CLOCK: variants seen among roughly 807,000 people sequenced by gnomAD.
The protein encoded by CLOCK is circadian locomoter output cycles protein kaput.
A neutral mutation model predicts 118.4 loss-of-function variants in CLOCK; 43 were observed. The ratio of observed to expected loss-of-function variants is 0.36; its 90% CI spans 0.28 to 0.47. The LOEUF is 0.47. CLOCK is among the 20% of genes least tolerant of loss of function. The pLI is 1.00. For synonymous variants in CLOCK, 326 were observed against 339.2 expected (o/e 0.96, Z 0.43); for missense variants, 846 against 999.9 (o/e 0.85, Z 2.08).
intron 9 of CLOCK, among the ~76,000 whole-genome samples, chr4:55,461,840 A>C (rs1725365061): frequency 1.3e-5 from 2 of 152,094 alleles, no homozygotes; most frequent in African/African-American, 2.4e-5. Flanking sequence ...AAACTACCCA[A>C]ATCTCCTTCA....
intron 1 of CLOCK, among the ~76,000 whole-genome samples, chr4:55,510,699 T>C (rs1729091386): frequency 6.6e-6 from 1 of 150,542 alleles, no homozygotes; most frequent in African/African-American, 2.4e-5. Flanking sequence ...GTGTATGATC[T>C]AGCCAAATAA....
At chr4:55,519,249 G>A (rs1329583775) in intron 1 of CLOCK, among the ~76,000 whole-genome samples, 1 of 152,104 alleles carries the variant, frequency 6.6e-6, no homozygotes, top group Non-Finnish European at 1.5e-5. Context: ...TAAAGACAAG[G>A]TCTCACTATG....
At chr4:55,498,937 T>C (rs1274411732) in intron 2 of CLOCK, among the ~76,000 whole-genome samples, 22 of 152,232 alleles carry the variant, frequency 1.4e-4, no homozygotes, top group Admixed American at 1.4e-3. Flanking sequence ...GATTCATCTT[T>C]AAGCTCACTG....
At chr4:55,453,172 C>A (rs201598051) in intron 14 of CLOCK, 43 bp from the exon 15 acceptor site, 2 of 1,461,634 alleles carry the variant, frequency 1.4e-6, no homozygotes, top group East Asian at 4.6e-5. Context: ...TCTGGTCATT[C>A]GTTTAAAATA....
chr4:55,494,993 T>C (rs962934591), intron 2 of CLOCK, among the ~76,000 whole-genome samples: 5 of 152,186 alleles, frequency 3.3e-5, no homozygotes, highest in East Asian at 3.9e-4. Flanking sequence ...CAGAAAACTA[T>C]ACAGAATCCG....
chr4:55,530,569 G>A (rs1421107492), intron 1 of CLOCK, among the ~76,000 whole-genome samples: 1 of 151,916 alleles, frequency 6.6e-6, no homozygotes, highest in Non-Finnish European at 1.5e-5. Flanking sequence ...GAGATAAGGT[G>A]TTTAAGACCA....
rs1553900254 is a variant in CLOCK, at chr4:55,503,978, T to TAAAAG, written c.-136+5933_-136+5934insCTTTT. Among the ~76,000 whole-genome samples the TAAAAG allele has an allele frequency of 7.7e-4, 55 of 71,138 alleles. 1 individual carries two copies. The highest frequency in any genetic ancestry group is 0.018 in the Middle Eastern group (1 of 56). 46.7% of individuals were successfully genotyped at this position (71,138 alleles called of 152,430 possible). A position where few individuals can be genotyped will look rare whatever the true frequency, so the allele number is the denominator to read the frequency against. ...ACAGTTTCTATTTGGCAAAAAGAGGTAAAAAAAAAAAAAAAAAAAAAAAAA... is the reference window on the plus strand; with the variant it reads ...ACAGTTTCTATTTGGCAAAAAGAGGTAAAAGAAAAAAAAAAAAAAAAAAAAAAAAA... On this transcript the variant is annotated intron_variant, in intron 2 of 22. Coordinates refer to ENST00000513440, the MANE Select transcript of CLOCK (RefSeq NM_004898.4).
intron 1 of CLOCK, among the ~76,000 whole-genome samples, chr4:55,516,563 C>T (rs1460636024): frequency 1.3e-5 from 2 of 152,142 alleles, no homozygotes; most frequent in Admixed American, 1.3e-4. Flanking sequence ...TTTTCTCCAT[C>T]CATTTTCTTT....
chr4:55,512,073 T>A (rs1429470806), intron 1 of CLOCK, among the ~76,000 whole-genome samples: 2 of 152,006 alleles, frequency 1.3e-5, no homozygotes, highest in African/African-American at 4.8e-5. Flanking sequence ...AACTTCCATA[T>A]AAAGATTTTT....
chr4:55,470,897 A>C (rs951233055), intron 7 of CLOCK, 91 bp from the exon 8 acceptor site: 4 of 853,312 alleles, frequency 4.7e-6, no homozygotes, highest in African/African-American at 1.7e-5. Context: ...CAAAGGATTT[A>C]ATATGGAAAT....
intron 8 of CLOCK, among the ~76,000 whole-genome samples, chr4:55,469,228 C>A (rs1014716114): frequency 1.3e-5 from 2 of 151,462 alleles, no homozygotes; most frequent in Admixed American, 6.6e-5. Flanking sequence ...CAGGTTCAGG[C>A]GATTCTACAG....
intron 19 of CLOCK, among the ~76,000 whole-genome samples, 180 bp downstream of exon 19, chr4:55,444,453 A>G (rs1314121193): frequency 2.0e-5 from 3 of 152,230 alleles, no homozygotes; most frequent in African/African-American, 7.2e-5. Flanking sequence ...ACCCTCAGAA[A>G]CAAATTATCT....
intron 3 of CLOCK, among the ~76,000 whole-genome samples, chr4:55,484,196 T>G (rs1727134967): frequency 6.6e-6 from 1 of 151,900 alleles, no homozygotes; most frequent in African/African-American, 2.4e-5. Context: ...TATTTTTTTT[T>G]CTTTTTGTTT....
At chr4:55,528,419 C>T (rs577893430) in intron 1 of CLOCK, among the ~76,000 whole-genome samples, 1 of 152,166 alleles carries the variant, frequency 6.6e-6, no homozygotes, top group Non-Finnish European at 1.5e-5. Context: ...TTCATCCCCC[C>T]CTCACTGCCT....
chr4:55,485,444 G>C (rs1054653895), intron 3 of CLOCK, among the ~76,000 whole-genome samples: 3 of 152,094 alleles, frequency 2.0e-5, no homozygotes, highest in African/African-American at 7.2e-5. Flanking sequence ...AGACAAACTG[G>C]TAAGGTGGAA....
At chr4:55,483,527 C>T (rs918216463) in intron 3 of CLOCK, among the ~76,000 whole-genome samples, 15 of 152,122 alleles carry the variant, frequency 9.9e-5, no homozygotes, top group African/African-American at 2.9e-4. Flanking sequence ...TCTACATTTT[C>T]ACAAGGGCTC....
chr4:55,515,148 G>C (rs1170995470), intron 1 of CLOCK, among the ~76,000 whole-genome samples: 1 of 152,000 alleles, frequency 6.6e-6, no homozygotes, highest in East Asian at 1.9e-4. Flanking sequence ...ATTTCATCTA[G>C]GTTATCAAAT....
chr4:55,459,754 C>T (rs1471178402), intron 9 of CLOCK, among the ~76,000 whole-genome samples: 1 of 152,156 alleles, frequency 6.6e-6, no homozygotes, highest in Admixed American at 6.5e-5. Flanking sequence ...CATTGAACTC[C>T]TGGGCTCAAG....
At position 55,438,535 on chromosome 4, in the gene CLOCK, A is replaced by C. The variant is rs1178386174; in HGVS notation, c.2108T>G (p.Phe703Cys). ...TTFTQDRQIRFSQGQQLVTKL... is the reference protein window; with the variant it reads ...TTFTQDRQIRCSQGQQLVTKL... ...GGTCACAAGTTGTTGACCTTGAGAA[A>C]ATCTGTTAGAAGAAAGAAGGAAAAA... Residue 703 changes from phenylalanine (F) to cysteine (C), a missense_variant and splice_region_variant, in exon 22 of 23, where the codon TTT becomes TGT. Transcript: ENST00000513440. The C allele has an allele frequency of 6.2e-6, 10 of 1,613,098 alleles. No homozygotes were observed. In the Admixed American group the frequency reaches 1.7e-4, roughly 27 times the overall value.
Sources: gnomAD v4.1 joint callset for allele counts (sites outside exome capture counted in the v4.1 genomes callset) on GRCh38, gnomAD v4.1.1 for gene constraint, MANE v1.5 for transcripts, NCBI Gene and HGNC (gene_info 2026-07-23, HGNC 2026-07-21) for gene names.